RAP1GAP2: variants seen among roughly 807,000 people sequenced by gnomAD.
The protein encoded by RAP1GAP2 is rap1 GTPase-activating protein 2.
A neutral mutation model predicts 95.0 loss-of-function variants in RAP1GAP2; 27 were observed. The observed-to-expected ratio is 0.28, with a 90% CI of 0.21 to 0.39. RAP1GAP2 has a LOEUF of 0.39. Ranked by LOEUF, RAP1GAP2 falls within the 10% of genes least tolerant of loss-of-function variation. RAP1GAP2 has a pLI of 1.00. For synonymous variants in RAP1GAP2, 373 were observed against 380.9 expected, an observed-to-expected ratio of 0.98 and a Z score of 0.24; for missense variants, 771 against 970.0, an observed-to-expected ratio of 0.79 and a Z score of 2.72.
intron 1 of RAP1GAP2, among the ~76,000 whole-genome samples, chr17:2,769,349 A>C (rs939669376): frequency 6.7e-6 from 1 of 148,546 alleles, no homozygotes; most frequent in Non-Finnish European, 1.5e-5. Context: ...AGGTCAGGAG[A>C]TCGAGACCAT....
At chr17:2,957,704 C>T in intron 3 of RAP1GAP2, 55 bp from the exon 4 acceptor site, 1 of 1,566,052 alleles carries the variant, frequency 6.4e-7, no homozygotes, top group Non-Finnish European at 8.7e-7. Flanking sequence ...GAGGCTTTTG[C>T]TGTGGACCTC....
intron 1 of RAP1GAP2, among the ~76,000 whole-genome samples, chr17:2,798,967 G>A (rs2069175134): frequency 6.6e-6 from 1 of 152,212 alleles, no homozygotes; most frequent in Non-Finnish European, 1.5e-5. Flanking sequence ...GACCATTGAG[G>A]AACTCTAATG....
intron 3 of RAP1GAP2, among the ~76,000 whole-genome samples, chr17:2,913,499 G>A (rs899394560): frequency 6.6e-6 from 1 of 152,086 alleles, no homozygotes; most frequent in African/African-American, 2.4e-5. Context: ...ATGTTGGTCA[G>A]GCTGCTCTCA....
chr17:3,023,810 C>G (rs546786236), intron 19 of RAP1GAP2, among the ~76,000 whole-genome samples: 4 of 151,996 alleles, frequency 2.6e-5, no homozygotes, highest in Non-Finnish European at 4.4e-5. Flanking sequence ...CCCCTTACCC[C>G]CAACCCCCCG....
At chr17:3,010,289 G>A (rs959575703) in intron 17 of RAP1GAP2, among the ~76,000 whole-genome samples, 32 of 137,204 alleles carry the variant, frequency 2.3e-4, no homozygotes, top group African/African-American at 7.7e-4. Flanking sequence ...GCAGTGAGCC[G>A]AGATCACGCC....
intron 2 of RAP1GAP2, among the ~76,000 whole-genome samples, chr17:2,892,922 C>A (rs776047868): frequency 1.3e-5 from 2 of 152,100 alleles, no homozygotes; most frequent in African/African-American, 2.4e-5. Context: ...GCTATTTGAT[C>A]TTTTTTCTCT....
chr17:2,950,044 T>TTCC (rs1395910969), intron 3 of RAP1GAP2, among the ~76,000 whole-genome samples: 1,033 of 41,320 alleles, frequency 0.025, 28 homozygotes, highest in Admixed American at 0.14. Context: ...ATTTCTTTTC[T>TTCC]TCTTCTTCTT....
rs572322617 is a variant in RAP1GAP2, at chr17:2,797,724, G to A, written c.44+1153G>A. On this transcript the variant is annotated intron_variant, in intron 1 of 24. Coordinates refer to ENST00000254695, the MANE Select transcript of RAP1GAP2 (RefSeq NM_015085.5). This position sits in a 1 kb window ranked among gnomAD's most constrained non-coding sequence, Gnocchi z 5.6. ...GCGGATGAGAAGATGGCACAGCGTCGCCTGTGTCTGCTCTCGGGCCCTCCC... is the reference window on the plus strand; with the variant it reads ...GCGGATGAGAAGATGGCACAGCGTCACCTGTGTCTGCTCTCGGGCCCTCCC... 68 of 985,384 alleles carry A rather than the reference G, an allele frequency of 6.9e-5. No individual in the cohort carries two copies. The highest frequency in any genetic ancestry group is 1.0e-3 in the Middle Eastern group (2 of 1,914). 61.0% of individuals were successfully genotyped at this position (985,384 alleles called of 1,614,324 possible).
chr17:2,987,222 G>T (rs2045587006), intron 11 of RAP1GAP2, among the ~76,000 whole-genome samples: 1 of 152,178 alleles, frequency 6.6e-6, no homozygotes, highest in South Asian at 2.1e-4. Context: ...CCAGCCTTCA[G>T]ACATTCACAG....
At chr17:2,854,013 G>C in intron 2 of RAP1GAP2, 1 of 984,938 alleles carries the variant, frequency 1.0e-6, no homozygotes, top group Non-Finnish European at 1.2e-6. Context: ...AGCCCGCGGG[G>C]AGGAGGCATT....
At chr17:2,925,006 C>T (rs566672430) in intron 3 of RAP1GAP2, among the ~76,000 whole-genome samples, 3 of 152,164 alleles carry the variant, frequency 2.0e-5, no homozygotes, top group Non-Finnish European at 2.9e-5. Context: ...GACCTCAGGC[C>T]GCTGTGGATT....
intron 2 of RAP1GAP2, among the ~76,000 whole-genome samples, chr17:2,897,808 T>C (rs1814518729): frequency 6.6e-6 from 1 of 152,172 alleles, no homozygotes; most frequent in African/African-American, 2.4e-5. Flanking sequence ...GTCTGCATAA[T>C]GAGGCTGTCG....
At chr17:2,970,233 C>A in intron 8 of RAP1GAP2, among the ~76,000 whole-genome samples, 1 of 144,164 alleles carries the variant, frequency 6.9e-6, no homozygotes, top group East Asian at 2.1e-4. Context: ...GATTTGGCGC[C>A]ACTGCACTTC....
chr17:2,934,985 G>A (rs973719730), intron 3 of RAP1GAP2, among the ~76,000 whole-genome samples: 1 of 152,186 alleles, frequency 6.6e-6, no homozygotes, highest in African/African-American at 2.4e-5. Context: ...GGGAAGACGG[G>A]TGGGATTTGG....
chr17:2,981,744 A>G, intron 10 of RAP1GAP2, among the ~76,000 whole-genome samples: 1 of 152,120 alleles, frequency 6.6e-6, no homozygotes, highest in East Asian at 1.9e-4. Flanking sequence ...TGGTTTTCTG[A>G]TATCAGCTTC....
In RAP1GAP2 at chr17:2,867,622, A is replaced by G. The variant is rs2072668706; in HGVS notation, c.81-37662A>G. Among the ~76,000 whole-genome samples, 2 of 152,168 alleles carry G rather than the reference A, an allele frequency of 1.3e-5. No homozygotes were observed. The highest frequency in any genetic ancestry group is 4.8e-5 in the African/African-American group (2 of 41,444). On this transcript the variant is annotated intron_variant, in intron 2 of 24. Coordinates refer to ENST00000254695, the MANE Select transcript of RAP1GAP2 (RefSeq NM_015085.5). This position sits in a 1 kb window ranked among gnomAD's most constrained non-coding sequence, Gnocchi z 4.5. ...CCAGAGGGGTGGGATACACTGATTC[A>G]TGAAGTCTAGGTCTTACGCCCACCG...
intron 2 of RAP1GAP2, among the ~76,000 whole-genome samples, chr17:2,896,227 T>A (rs35684299): frequency 6.6e-6 from 1 of 152,236 alleles, no homozygotes; most frequent in East Asian, 1.9e-4. Flanking sequence ...GCAGGATGGT[T>A]TTCTGCATTT....
At chr17:2,839,540 G>A (rs2071282789) in intron 2 of RAP1GAP2, among the ~76,000 whole-genome samples, 1 of 152,050 alleles carries the variant, frequency 6.6e-6, no homozygotes, top group African/African-American at 2.4e-5. Flanking sequence ...GAAATGCATG[G>A]TTTATTCAGA....
intron 5 of RAP1GAP2, 25 bp downstream of exon 5, chr17:2,962,739 G>T: frequency 6.3e-7 from 1 of 1,579,430 alleles, no homozygotes; most frequent in Non-Finnish European, 8.6e-7. Context: ...TGAGGGGGTG[G>T]CCAGACGGCC....
Sources: allele counts gnomAD v4.1 joint callset (sites outside exome capture counted in the v4.1 genomes callset), GRCh38; gene constraint gnomAD v4.1.1; non-coding constraint Gnocchi (gnomAD v3.1); transcripts MANE v1.5; gene names NCBI Gene and HGNC (gene_info 2026-07-23, HGNC 2026-07-21).